Variants in DGCR8 observed in about 807,000 individuals in gnomAD.
DGCR8 encodes the protein microprocessor complex subunit DGCR8.
In DGCR8, 14 loss-of-function variants were observed where a neutral mutation model predicts 78.5. That is an observed-to-expected ratio of 0.18 (90% confidence interval 0.12 to 0.28). The LOEUF (loss-of-function observed/expected upper bound fraction) is 0.28. DGCR8 is among the 10% of genes least tolerant of loss of function. The probability of loss-of-function intolerance (pLI) is 1.00; values close to 1 mark genes in which losing one functional copy is unlikely to be tolerated. For synonymous variants in DGCR8, 399 were observed against 402.4 expected, an observed-to-expected ratio of 0.99 and a Z score of 0.10; for missense variants, 702 against 1,022.5, an observed-to-expected ratio of 0.69 and a Z score of 4.28.
chr22:20,081,199 C>T (rs906576639), intron 1 of DGCR8, among the ~76,000 whole-genome samples: 6 of 152,192 alleles, frequency 3.9e-5, no homozygotes, highest in Admixed American at 3.9e-4. Flanking sequence ...GTCATACTGC[C>T]GCTGGGTTGG....
At chr22:20,090,823 G>T (rs2049548312) in intron 5 of DGCR8, among the ~76,000 whole-genome samples, 1 of 152,180 alleles carries the variant, frequency 6.6e-6, no homozygotes, top group Non-Finnish European at 1.5e-5. Context: ...CCACCTGCTG[G>T]ATTACTTTCA....
Position 20,086,121 on chromosome 22 carries a change from C to A in DGCR8, c.158C>A (p.Ser53Tyr), listed in dbSNP as rs1282882179. 1 of 1,614,060 alleles carries A rather than the reference C, an allele frequency of 6.2e-7. No homozygotes were observed. Residue 53 changes from serine to tyrosine, a missense_variant, in exon 2 of 14, where the codon TCT becomes TAT. By Grantham distance (144) the Ser-to-Tyr change is moderately radical. Coordinates refer to ENST00000351989, the MANE Select transcript of DGCR8 (RefSeq NM_022720.7). This position sits in a 1 kb window ranked among gnomAD's most constrained non-coding sequence, Gnocchi z 6.4. ...GGTGCAGAGGTAATGGACGTTGGCT[C>A]TGGTGGTGATGGACAGTCCGAACTC... ...SSGAEVMDVG[S>Y]GGDGQSELPA...
chr22:20,085,579 T>C lies in DGCR8; in HGVS notation c.-277-108T>C. On this transcript the variant is annotated intron_variant, in intron 1 of 13. Transcript: ENST00000351989. The surrounding 1 kb of genome is among the most constrained non-coding windows in gnomAD (Gnocchi z 6.2). ...TAAAAAGTCCTCTTAGGGAATATTA[T>C]TTTGAAGCCCTTTACTATGCTGTTA... is the stretch of plus-strand genomic sequence containing the variant. The C allele has an allele frequency of 1.1e-6, 1 of 903,928 alleles. No homozygotes were observed. The highest frequency in any genetic ancestry group is 3.3e-5 in the East Asian group (1 of 30,200). 56.0% of individuals were successfully genotyped at this position (903,928 alleles called of 1,614,324 possible).
In DGCR8 at chr22:20,095,964, A is replaced by G. The variant is rs972214113; in HGVS notation, c.1788+1169A>G. 2.0e-5 allele frequency among the ~76,000 whole-genome samples: 3 copies of G among 148,744 alleles called. No homozygotes were observed. In the East Asian group the frequency reaches 5.8e-4, roughly 29 times the overall value. On this transcript the variant is annotated intron_variant, in intron 9 of 13. Coordinates refer to ENST00000351989, the MANE Select transcript of DGCR8 (RefSeq NM_022720.7). ...CACACTCCTATGAGAATCTAATGCTACTGCTGATCTGACAGGAGACAGAGC... is the reference window on the plus strand; with the variant it reads ...CACACTCCTATGAGAATCTAATGCTGCTGCTGATCTGACAGGAGACAGAGC...
rs1182889903 is a variant in DGCR8, at chr22:20,080,293, G to A, written c.-368G>A. The A allele has an allele frequency of 1.0e-6, 1 of 981,004 alleles. No individual in the cohort carries two copies. The highest frequency in any genetic ancestry group is 1.2e-6 in the Non-Finnish European group (1 of 828,206). The allele number at this position is 981,004 out of a possible 1,614,324, so 60.8% of individuals were successfully genotyped here. ...TGCCGGCGACCGGAGAGCCTGGACA[G>A]GCTTTCCAGATGGCTGCGGCGGTCG... On this transcript the variant is annotated 5_prime_UTR_variant, in exon 1 of 14. Coordinates refer to ENST00000351989, the MANE Select transcript of DGCR8 (RefSeq NM_022720.7).
intron 1 of DGCR8, among the ~76,000 whole-genome samples, chr22:20,082,649 G>A (rs927583597): frequency 6.6e-6 from 1 of 152,088 alleles, no homozygotes; most frequent in Non-Finnish European, 1.5e-5. Flanking sequence ...TTACAGTCGT[G>A]CACCACCGCG....
intron 8 of DGCR8, 53 bp downstream of exon 8, chr22:20,092,960 C>G (rs570866771): frequency 1.4e-6 from 2 of 1,477,034 alleles, no homozygotes; most frequent in African/African-American, 1.4e-5. Flanking sequence ...GTGTCTGCCT[C>G]GCTGCTTGGT....
chr22:20,089,937 T>C lies in DGCR8; in HGVS notation c.1024-39T>C. 2 of 1,589,980 alleles carry C rather than the reference T, an allele frequency of 1.3e-6. No homozygotes were observed. The highest frequency in any genetic ancestry group is 1.7e-6 in the Non-Finnish European group (2 of 1,166,038). On this transcript the variant is annotated intron_variant, in intron 4 of 13. Coordinates refer to ENST00000351989, the MANE Select transcript of DGCR8 (RefSeq NM_022720.7). This position sits in a 1 kb window ranked among gnomAD's most constrained non-coding sequence, Gnocchi z 4.9. ...GGCATCAGAGTTTCAGACTCTCGGG[T>C]TGTCCTTGTAATCCATATTGCAATT...
chr22:20,111,392 A>T lies in DGCR8; in HGVS notation c.*1284A>T, dbSNP rs1201604466. The T allele has an allele frequency of 2.5e-6, 1 of 397,098 alleles. No individual in the cohort carries two copies. The highest frequency in any genetic ancestry group is 4.4e-6 in the Non-Finnish European group (1 of 225,810). The allele number at this position is 397,098 out of a possible 1,614,324, so 24.6% of individuals were successfully genotyped here. A position where few individuals can be genotyped will look rare whatever the true frequency, so the allele number is the denominator to read the frequency against. ...TTTTTTTTTTTTCTGTCAGGAAAAC[A>T]ATGTTGGCCTGTGGGCCGCCCACAA... is the stretch of plus-strand genomic sequence containing the variant. On this transcript the variant is annotated 3_prime_UTR_variant, in exon 14 of 14. Transcript: ENST00000351989.
At chr22:20,100,897 C>G (rs1865634370) in intron 9 of DGCR8, 1 of 936,994 alleles carries the variant, frequency 1.1e-6, no homozygotes, top group South Asian at 4.9e-5. Context: ...GCCCCCACTT[C>G]CTGTGCCAGC....
rs756228599 is a variant in DGCR8 at position 20,110,154 on chromosome 22, TGAG to T, written c.*50_*52del. 61 of 1,575,860 alleles carry T rather than the reference TGAG, an allele frequency of 3.9e-5. No individual in the cohort carries two copies. The Middle Eastern group carries it at 5.0e-4, about 13-fold the overall frequency. ...GCGCGGGGGCCGCCAGCCGCACTTC[TGAG>T]GAGACCAGCAGTCATGCATCGTGCA... is the stretch of plus-strand genomic sequence containing the variant. On this transcript the variant is annotated 3_prime_UTR_variant, in exon 14 of 14. Transcript: ENST00000351989.
rs774377810 is a variant in DGCR8, at chr22:20,110,035, G to A, written c.2249G>A (p.Arg750Gln). 39 of 1,613,658 alleles carry A rather than the reference G, an allele frequency of 2.4e-5. No individual in the cohort carries two copies. The highest frequency in any genetic ancestry group is 3.1e-5 in the Non-Finnish European group (37 of 1,180,022). ...TTGTTGTTCTTTCAGGAGGAGACTC[G>A]AAAGAAGCCCAAGATGTCCATTGTG... ...KRLAEEREET[R>Q]KKPKMSIVAS... The change falls in exon 14 of 14, where the codon CGA (arginine) becomes CAA (glutamine). Residue 750 changes from arginine to glutamine, a missense_variant. By Grantham distance (43) the Arg-to-Gln change is conservative. Transcript: ENST00000351989.
rs71717697 is a variant in DGCR8, at chr22:20,111,706, G to GCCCCCCCCCCCCCCCCCCCCCCCCCC, written c.*1614_*1615insCCCCCCCCCCCCCCCCCCCCCCCCCC. ...TGCCATACTCTTGTGGTCTCTGTGC[G>GCCCCCCCCCCCCCCCCCCCCCCCCCC]CCCCCCCCCCCCCCCCACCCGTCTG... is the stretch of plus-strand genomic sequence containing the variant. On this transcript the variant is annotated 3_prime_UTR_variant, in exon 14 of 14. Transcript: ENST00000351989. 2 of 63,028 alleles carry GCCCCCCCCCCCCCCCCCCCCCCCCCC rather than the reference G, an allele frequency of 3.2e-5. 1 individual carries two copies. The highest frequency in any genetic ancestry group is 6.0e-5 in the Non-Finnish European group (2 of 33,564). The allele number at this position is 63,028 out of a possible 1,614,324, so 3.9% of individuals were successfully genotyped here. A position where few individuals can be genotyped will look rare whatever the true frequency, so the allele number is the denominator to read the frequency against.
intron 9 of DGCR8, among the ~76,000 whole-genome samples, chr22:20,102,876 T>C (rs1047705826): frequency 5.9e-5 from 9 of 152,238 alleles, no homozygotes; most frequent in African/African-American, 2.2e-4. Context: ...CTCACGCCTG[T>C]AATCCCAGCA....
Position 20,086,800 on chromosome 22 carries a change from C to T in DGCR8, c.720+117C>T. On this transcript the variant is annotated intron_variant, in intron 2 of 13. Coordinates refer to ENST00000351989, the MANE Select transcript of DGCR8 (RefSeq NM_022720.7). The surrounding 1 kb of genome is among the most constrained non-coding windows in gnomAD (Gnocchi z 6.4). ...AAAAAAAAAAAACAAAAACCAAAAT[C>T]CCCTCTGAGGTGGAATAATGTTAAT... 2 of 1,176,330 alleles carry T rather than the reference C, an allele frequency of 1.7e-6. No individual in the cohort carries two copies. Among genetic ancestry groups the T allele is most frequent in the Non-Finnish European group, 1.2e-6 (1 of 844,698 alleles). 72.9% of individuals were successfully genotyped at this position (1,176,330 alleles called of 1,614,324 possible).
At position 20,106,689 on chromosome 22, in the gene DGCR8, C is replaced by T. The variant is rs1017042365; in HGVS notation, c.1987C>T (p.Arg663Cys). Residue 663 changes from arginine (R) to cysteine (C), a missense_variant, in exon 11 of 14, where the codon CGC (arginine) becomes TGC (cysteine). Coordinates refer to ENST00000351989, the MANE Select transcript of DGCR8 (RefSeq NM_022720.7). The part of the protein sequence containing the change: ...YVMACGKHTV[R>C]GWCKNKRVGK... ...CATGGCGTGTGGCAAGCACACAGTG[C>T]GCGGGTGGTGTAAGGACTCCTTCTC... The T allele has an allele frequency of 8.1e-6, 13 of 1,612,950 alleles. No individual in the cohort carries two copies. Among genetic ancestry groups the T allele is most frequent in the Middle Eastern group, 1.7e-4 (1 of 6,056 alleles).
intron 8 of DGCR8, 96 bp downstream of exon 8, chr22:20,093,003 G>T: frequency 1.2e-6 from 1 of 810,130 alleles, no homozygotes; most frequent in Non-Finnish European, 2.0e-6. Context: ...GACAAGTGGG[G>T]GATGTGGGTG....
At position 20,103,159 on chromosome 22, in the gene DGCR8, C is replaced by T. The variant is rs1265079608; in HGVS notation, c.1789-3018C>T. Among the ~76,000 whole-genome samples the T allele has an allele frequency of 2.6e-5, 4 of 151,762 alleles. 1 individual carries two copies. The highest frequency in any genetic ancestry group is 5.9e-5 in the Non-Finnish European group (4 of 67,936). On this transcript the variant is annotated intron_variant, in intron 9 of 13. Coordinates refer to ENST00000351989, the MANE Select transcript of DGCR8 (RefSeq NM_022720.7). ...ATCTTAAAAAAAAAAAAAAAATCTG[C>T]CTGCATTTTGATTGGAATTGATCCT...
chr22:20,090,396 T>C, intron 5 of DGCR8, 138 bp downstream of exon 5: 1 of 1,056,740 alleles, frequency 9.5e-7, no homozygotes, highest in South Asian at 1.7e-5. Context: ...TTGGTGTGGC[T>C]GAAAGGCTTG....
Sources: gnomAD v4.1 joint callset for allele counts (sites outside exome capture counted in the v4.1 genomes callset) on GRCh38, gnomAD v4.1.1 for gene constraint, Gnocchi (gnomAD v3.1) non-coding constraint, MANE v1.5 for transcripts, NCBI Gene and HGNC (gene_info 2026-07-23, HGNC 2026-07-21) for gene names.